The following NFIC variants were observed in gnomAD, a reference collection of about 807,000 sequenced individuals.
The protein encoded by NFIC is nuclear factor 1 C-type.
In NFIC, 12 loss-of-function variants were observed where a neutral mutation model predicts 54.4. That is an observed-to-expected ratio of 0.22 (90% CI 0.14 to 0.36). The LOEUF (loss-of-function observed/expected upper bound fraction) is 0.36. NFIC is among the 10% of genes least tolerant of loss of function. The probability of loss-of-function intolerance (pLI) is 1.00; values close to 1 mark genes in which losing one functional copy is unlikely to be tolerated. For missense variants in NFIC, 575 were observed against 718.2 expected (o/e 0.80, Z 2.28); for synonymous variants, 322 against 319.2 (o/e 1.01, Z -0.09).
At chr19:3,405,894 C>T (rs966968853) in intron 2 of NFIC, among the ~76,000 whole-genome samples, 18 of 149,368 alleles carry the variant, frequency 1.2e-4, no homozygotes, top group African/African-American at 4.0e-4. Flanking sequence ...TGAGCCACCG[C>T]GCCCGGCCCC....
At chr19:3,360,602 C>T (rs916714163) in intron 1 of NFIC, among the ~76,000 whole-genome samples, 1 of 152,180 alleles carries the variant, frequency 6.6e-6, no homozygotes, top group African/African-American at 2.4e-5. Flanking sequence ...CGGGTCCCGG[C>T]GCGTCGGCTC....
At chr19:3,425,779 C>G (rs906479723) in intron 3 of NFIC, among the ~76,000 whole-genome samples, 1 of 148,266 alleles carries the variant, frequency 6.7e-6, no homozygotes, top group African/African-American at 2.5e-5. Context: ...GTCTTAGAAA[C>G]GGTCTCACGC....
upstream of NFIC, among the ~76,000 whole-genome samples, chr19:3,362,260 GTGTC>G (rs1212798202): frequency 1.3e-5 from 2 of 152,014 alleles, no homozygotes; most frequent in Non-Finnish European, 2.9e-5. Context: ...TGTGTGGAGT[GTGTC>G]TGTGATTGTG....
intron 2 of NFIC, chr19:3,410,854 A>G (rs62125962): frequency 0.18 from 27,231 of 152,278 alleles, 3,290 homozygotes; most frequent in East Asian, 0.47. Flanking sequence ...GGAGGCTCCG[A>G]CAGAGGAGGT....
In NFIC at chr19:3,466,102, A is replaced by G. The variant is rs1437493550; in HGVS notation, c.*3333A>G. On this transcript the variant is annotated 3_prime_UTR_variant, in exon 11 of 11. Coordinates refer to ENST00000443272, the MANE Select transcript of NFIC (RefSeq NM_001245002.2). This position sits in a 1 kb window ranked among gnomAD's most constrained non-coding sequence, Gnocchi z 4.8. The stretch of plus-strand genomic sequence containing the variant: ...CTGTACCCATGGGCCTGGCTCAGCC[A>G]TTGGAGGCCCAGCCGAGGGTCCGGC... 1.3e-5 allele frequency: 2 copies of G among 152,172 alleles called. No individual in the cohort carries two copies. Among genetic ancestry groups the G allele is most frequent in the East Asian group, 1.9e-4 (1 of 5,204 alleles). The allele number at this position is 152,172 out of a possible 1,614,324, so 9.4% of individuals were successfully genotyped here.
chr19:3,419,770 G>A (rs1599654207), intron 2 of NFIC, among the ~76,000 whole-genome samples: 1 of 149,654 alleles, frequency 6.7e-6, no homozygotes. Flanking sequence ...TTGCACTCCA[G>A]CCTGGGCGAC....
intron 2 of NFIC, among the ~76,000 whole-genome samples, chr19:3,401,707 G>A (rs1230524932): frequency 2.8e-5 from 4 of 144,812 alleles, no homozygotes; most frequent in South Asian, 4.5e-4. Context: ...CCACCCACAT[G>A]GCAGGGTTAT....
chr19:3,369,249 GTT>G lies in NFIC; in HGVS notation c.30+2585_30+2586del, dbSNP rs2145429674. Among the ~76,000 whole-genome samples the G allele has an allele frequency of 6.6e-6, 1 of 151,382 alleles. No individual in the cohort carries two copies. Among genetic ancestry groups the G allele is most frequent in the East Asian group, 1.9e-4 (1 of 5,130 alleles). ...CTCTGCCCCCTTCCTCTCTGTCTCT[GTT>G]TCTCTCCAATATGTCTGTCTGTCTC... On this transcript the variant is annotated intron_variant, in intron 1 of 10. Coordinates refer to ENST00000443272, the MANE Select transcript of NFIC (RefSeq NM_001245002.2). This position sits in a 1 kb window ranked among gnomAD's most constrained non-coding sequence, Gnocchi z 4.3.
intron 10 of NFIC, among the ~76,000 whole-genome samples, chr19:3,460,069 C>T (rs2082617417): frequency 1.3e-5 from 2 of 152,330 alleles, no homozygotes; most frequent in South Asian, 4.1e-4. Context: ...CCGGAGCTGT[C>T]CCCAAATGAC....
chr19:3,381,862 C>T lies in NFIC; in HGVS notation c.181C>T (p.Leu61=). The change falls in exon 2 of 11, where the codon CTG becomes TTG. Residue 61 remains leucine (L), a synonymous_variant. Transcript: ENST00000443272. Reference sequence around the variant, plus strand: ...CGAGGAGCGTGCGGTCAAGGACGAGCTGCTGGGCGAGAAGCCCGAGGTCAA... The same window carrying T: ...CGAGGAGCGTGCGGTCAAGGACGAGTTGCTGGGCGAGAAGCCCGAGGTCAA... The part of the protein sequence containing the change: ...KDEERAVKDE[L]LGEKPEVKQK... The T allele has an allele frequency of 6.2e-7, 1 of 1,614,020 alleles. No individual in the cohort carries two copies. Among genetic ancestry groups the T allele is most frequent in the Non-Finnish European group, 8.5e-7 (1 of 1,179,960 alleles).
chr19:3,371,710 C>G (rs555495276), intron 1 of NFIC: 25 of 152,194 alleles, frequency 1.6e-4, no homozygotes, highest in African/African-American at 6.0e-4. Flanking sequence ...ATTGAACACC[C>G]CAGAGGCATT....
intron 1 of NFIC, among the ~76,000 whole-genome samples, chr19:3,373,971 C>G (rs1272575038): frequency 6.6e-6 from 1 of 152,190 alleles, no homozygotes. Flanking sequence ...GCCGGATGGG[C>G]CTGGGGTTGT....
intron 2 of NFIC, among the ~76,000 whole-genome samples, chr19:3,411,560 T>C (rs575474216): frequency 7.9e-5 from 12 of 151,982 alleles, no homozygotes; most frequent in African/African-American, 2.9e-4. Context: ...ACTCCTGACC[T>C]CCAGTGATCT....
chr19:3,380,618 T>C, intron 1 of NFIC, among the ~76,000 whole-genome samples: 1 of 138,682 alleles, frequency 7.2e-6, no homozygotes, highest in Non-Finnish European at 1.5e-5. Context: ...TGTGAGCCAC[T>C]GCGCCCAGGC....
At chr19:3,447,506 G>A (rs1256318965) in intron 6 of NFIC, among the ~76,000 whole-genome samples, 3 of 152,150 alleles carry the variant, frequency 2.0e-5, no homozygotes, top group Non-Finnish European at 4.4e-5. Context: ...AGCGGCTCCT[G>A]CAGTAGCTAA....
At chr19:3,434,907 G>A in intron 5 of NFIC, 176 bp from the exon 6 acceptor site, 1 of 818,894 alleles carries the variant, frequency 1.2e-6, no homozygotes, top group Non-Finnish European at 1.9e-6. Flanking sequence ...GCAATGGACA[G>A]GTTGGAACAG....
At chr19:3,430,584 T>C (rs2082103879) in intron 3 of NFIC, among the ~76,000 whole-genome samples, 1 of 151,930 alleles carries the variant, frequency 6.6e-6, no homozygotes, top group African/African-American at 2.4e-5. Context: ...CACCACTCCC[T>C]GTCTCCTCTC....
At chr19:3,407,847 C>G (rs2081679546) in intron 2 of NFIC, among the ~76,000 whole-genome samples, 3 of 152,148 alleles carry the variant, frequency 2.0e-5, no homozygotes, top group Admixed American at 2.0e-4. Flanking sequence ...CAGAGCTGGG[C>G]TGCAAAGTAT....
At chr19:3,380,309 C>CTTTT (rs529220524) in intron 1 of NFIC, among the ~76,000 whole-genome samples, 1,418 of 65,110 alleles carry the variant, frequency 0.022, 176 homozygotes, top group African/African-American at 0.044. Context: ...CAGCCTTGTT[C>CTTTT]TTTTTTTTTT....
Sources: gnomAD v4.1 joint callset for allele counts (sites outside exome capture counted in the v4.1 genomes callset) on GRCh38, gnomAD v4.1.1 for gene constraint, Gnocchi (gnomAD v3.1) non-coding constraint, MANE v1.5 for transcripts, NCBI Gene and HGNC (gene_info 2026-07-23, HGNC 2026-07-21) for gene names.